The following RABGAP1L variants were observed in gnomAD, a reference collection of about 807,000 sequenced individuals.
The protein encoded by RABGAP1L is rab GTPase-activating protein 1-like.
In RABGAP1L, 63 loss-of-function variants were observed where a neutral mutation model predicts 137.7. The ratio of observed to expected loss-of-function variants is 0.46; its 90% CI spans 0.37 to 0.56. The LOEUF (loss-of-function observed/expected upper bound fraction) is 0.56. Among genes scored for constraint, RABGAP1L ranks in the 20% least tolerant of loss-of-function variants. RABGAP1L has a pLI of 0.00. For synonymous variants in RABGAP1L, 431 were observed against 433.7 expected (o/e 0.99, Z 0.08); for missense variants, 1,095 against 1,244.0 (o/e 0.88, Z 1.80).
intron 1 of RABGAP1L, among the ~76,000 whole-genome samples, chr1:174,195,198 A>C (rs920725974): frequency 1.3e-5 from 2 of 152,202 alleles, no homozygotes; most frequent in Non-Finnish European, 2.9e-5. Context: ...GGGTTGATCC[A>C]TTATAATCTG....
chr1:174,359,337 T>C (rs566705096), intron 11 of RABGAP1L, among the ~76,000 whole-genome samples: 1 of 152,336 alleles, frequency 6.6e-6, no homozygotes, highest in South Asian at 2.1e-4. Flanking sequence ...TTTCTTCAGC[T>C]CCTTTCTTCC....
chr1:174,723,062 G>T (rs1374481935), intron 17 of RABGAP1L, among the ~76,000 whole-genome samples: 9 of 151,898 alleles, frequency 5.9e-5, no homozygotes, highest in Non-Finnish European at 8.8e-5. Context: ...TGACCCATAG[G>T]AATTTGCTGG....
chr1:174,716,133 ATTG>A (rs1358310613), intron 17 of RABGAP1L, among the ~76,000 whole-genome samples: 1 of 152,138 alleles, frequency 6.6e-6, no homozygotes, highest in Non-Finnish European at 1.5e-5. Flanking sequence ...CGTTATTTTT[ATTG>A]TTATTATTTT....
intron 3 of RABGAP1L, 106 bp from the exon 4 acceptor site, chr1:174,231,039 C>G: frequency 1.3e-6 from 1 of 768,598 alleles, no homozygotes; most frequent in African/African-American, 1.8e-5. Flanking sequence ...ACAGAGAGAC[C>G]TAGATTTTGT....
chr1:174,651,547 A>C (rs1675489692), intron 14 of RABGAP1L, among the ~76,000 whole-genome samples: 1 of 152,152 alleles, frequency 6.6e-6, no homozygotes, highest in African/African-American at 2.4e-5. Context: ...TATTTAGGAT[A>C]GTTAGCTCTT....
chr1:174,513,466 T>A (rs533378212), intron 13 of RABGAP1L, among the ~76,000 whole-genome samples: 1 of 151,592 alleles, frequency 6.6e-6, no homozygotes, highest in Non-Finnish European at 1.5e-5. Context: ...TAAAAAAAAA[T>A]AGCCAGGCTT....
At chr1:174,553,451 G>A (rs112118242) in intron 13 of RABGAP1L, among the ~76,000 whole-genome samples, 5 of 152,236 alleles carry the variant, frequency 3.3e-5, no homozygotes, top group African/African-American at 1.2e-4. Context: ...CATATGGCTA[G>A]CCAGTTATCC....
intron 15 of RABGAP1L, among the ~76,000 whole-genome samples, chr1:174,689,683 G>A (rs984067147): frequency 2.0e-5 from 3 of 152,106 alleles, no homozygotes; most frequent in African/African-American, 7.2e-5. Context: ...TTTATTTAAA[G>A]TGACACACAA....
intron 13 of RABGAP1L, among the ~76,000 whole-genome samples, chr1:174,507,756 T>C (rs779793558): frequency 6.6e-6 from 1 of 152,146 alleles, no homozygotes; most frequent in Non-Finnish European, 1.5e-5. Flanking sequence ...TGAGGGTCAA[T>C]GAACCCTAAA....
chr1:174,976,012 T>G, intron 21 of RABGAP1L, 66 bp from the exon 22 acceptor site: 2 of 1,392,514 alleles, frequency 1.4e-6, no homozygotes, highest in Non-Finnish European at 2.0e-6. Context: ...TGGAGAAGAT[T>G]TCCACACACT....
intron 11 of RABGAP1L, among the ~76,000 whole-genome samples, chr1:174,359,209 G>C (rs1388652384): frequency 6.6e-6 from 1 of 150,634 alleles, no homozygotes; most frequent in Non-Finnish European, 1.5e-5. Context: ...AAGCCTTCTC[G>C]GTGTGTCTTT....
chr1:174,680,505 A>G (rs995048090), intron 14 of RABGAP1L, among the ~76,000 whole-genome samples: 1 of 152,210 alleles, frequency 6.6e-6, no homozygotes, highest in Non-Finnish European at 1.5e-5. Flanking sequence ...TAAGCTAATT[A>G]GTCTGTGGTA....
chr1:174,764,013 CTG>C (rs944973433), intron 18 of RABGAP1L, among the ~76,000 whole-genome samples: 39 of 152,162 alleles, frequency 2.6e-4, no homozygotes, highest in African/African-American at 8.9e-4. Flanking sequence ...TTTTCTATCT[CTG>C]TAGATTTACC....
intron 11 of RABGAP1L, among the ~76,000 whole-genome samples, chr1:174,349,758 C>T (rs1402596031): frequency 1.3e-4 from 18 of 135,162 alleles, no homozygotes; most frequent in Middle Eastern, 4.8e-3. Flanking sequence ...CCCTCCCAGA[C>T]GGGGCGGCTG....
At chr1:174,542,654 C>T (rs1464463819) in intron 13 of RABGAP1L, among the ~76,000 whole-genome samples, 1 of 152,034 alleles carries the variant, frequency 6.6e-6, no homozygotes, top group African/African-American at 2.4e-5. Flanking sequence ...TGTGTTTGCT[C>T]TTGCTTCTCT....
intron 13 of RABGAP1L, among the ~76,000 whole-genome samples, chr1:174,576,240 A>G (rs1030337212): frequency 6.6e-6 from 1 of 152,210 alleles, no homozygotes; most frequent in South Asian, 2.1e-4. Context: ...AAAGAGGCCT[A>G]GAAGAGCCAT....
chr1:174,967,489 C>A (rs1558291040), intron 20 of RABGAP1L, among the ~76,000 whole-genome samples: 2 of 152,038 alleles, frequency 1.3e-5, no homozygotes, highest in East Asian at 3.8e-4. Flanking sequence ...AGGTGTGTAT[C>A]ACCACACCCA....
chr1:174,230,286 T>C (rs942043076), intron 3 of RABGAP1L, among the ~76,000 whole-genome samples: 2 of 151,296 alleles, frequency 1.3e-5, no homozygotes, highest in African/African-American at 2.4e-5. Flanking sequence ...TTAGGAGATA[T>C]ACCTAATGTT....
chr1:174,562,588 A>T (rs1240057884), intron 13 of RABGAP1L, among the ~76,000 whole-genome samples: 1 of 152,214 alleles, frequency 6.6e-6, no homozygotes, highest in East Asian at 1.9e-4. Flanking sequence ...CGCAATAGCA[A>T]AGACTTGGAA....
Sources: allele counts gnomAD v4.1 joint callset (sites outside exome capture counted in the v4.1 genomes callset), GRCh38; gene constraint gnomAD v4.1.1; transcripts MANE v1.5; gene names NCBI Gene and HGNC (gene_info 2026-07-23, HGNC 2026-07-21).